The following MAST4 variants were observed in gnomAD, a reference collection of about 807,000 sequenced individuals.
MAST4 encodes the protein microtubule associated serine/threonine kinase family member 4.
A neutral mutation model predicts 162.7 loss-of-function variants in MAST4; 89 were observed. The observed-to-expected ratio is 0.55, with a 90% CI of 0.46 to 0.65. The LOEUF is 0.65. MAST4 is among the 30% of genes least tolerant of loss of function. MAST4 has a pLI of 0.00. For synonymous variants in MAST4, 1,479 were observed against 1,361.1 expected (o/e 1.09, Z -1.91); for missense variants, 3,153 against 3,374.0 (o/e 0.93, Z 1.62).
At position 66,897,926 on chromosome 5, in the gene MAST4, T is replaced by C. The variant is rs572942336; in HGVS notation, c.643-2025T>C. On this transcript the variant is annotated intron_variant, in intron 3 of 28. Transcript: ENST00000403625. Reference sequence around the variant, plus strand: ...GCTCAGGTTATTTGGTGGAATATGATTGATGGAACTATTTGGGTCATTCGT... The same window carrying C: ...GCTCAGGTTATTTGGTGGAATATGACTGATGGAACTATTTGGGTCATTCGT... Among the ~76,000 whole-genome samples the C allele has an allele frequency of 1.3e-4, 20 of 152,252 alleles. 1 individual carries two copies. Among genetic ancestry groups the C allele is most frequent in the Non-Finnish European group, 2.8e-4 (19 of 68,044 alleles).
rs181924698 is a variant in MAST4 at position 66,681,191 on chromosome 5, T to A, written c.364-78518T>A. 1.5e-4 allele frequency among the ~76,000 whole-genome samples: 23 copies of A among 152,366 alleles called. No individual in the cohort carries two copies. The East Asian group carries it at 4.2e-3, about 28-fold the overall frequency. On this transcript the variant is annotated intron_variant, in intron 1 of 28. Coordinates refer to ENST00000403625, the MANE Select transcript of MAST4 (RefSeq NM_001164664.2). Reference sequence around the variant, plus strand: ...TCAAAAGCACTTTTCACAGTGACAGTGTTTCAGAGCTAGAAGAGATCCTTA... The same window carrying A: ...TCAAAAGCACTTTTCACAGTGACAGAGTTTCAGAGCTAGAAGAGATCCTTA...
At chr5:67,134,770 A>T in intron 18 of MAST4, 82 bp downstream of exon 18, 1 of 1,159,580 alleles carries the variant, frequency 8.6e-7, no homozygotes, top group Non-Finnish European at 1.2e-6. Flanking sequence ...CACAGTTTTT[A>T]CTACTAAAAT....
intron 1 of MAST4, among the ~76,000 whole-genome samples, chr5:66,670,283 G>C (rs181717755): frequency 2.6e-5 from 4 of 151,978 alleles, no homozygotes; most frequent in Non-Finnish European, 2.9e-5. Flanking sequence ...ACTCTTCTCC[G>C]GTGGTACAAA....
rs772289937 is a variant in MAST4 at position 67,164,172 on chromosome 5, G to C, written c.4993G>C (p.Glu1665Gln). Residue 1665 changes from glutamate (E) to glutamine (Q), a missense_variant, in exon 29 of 29, where the codon GAG becomes CAG. Glu to Gln is a conservative substitution (Grantham distance 29, BLOSUM62 2). This residue lies in a region of MAST4 where 1,644 missense variants were observed against 1,495.0 expected (regional missense o/e 1.10). Coordinates refer to ENST00000403625, the MANE Select transcript of MAST4 (RefSeq NM_001164664.2). This position sits in a 1 kb window ranked among gnomAD's most constrained non-coding sequence, Gnocchi z 5.3. ...RGISGKGEGT[E>Q]KSSQAKELLR... is the part of the protein sequence containing the mutation. ...CATCTCTGGGAAGGGGGAAGGCACG[G>C]AGAAGTCCTCCCAGGCCAAGGAGCT... 4 of 1,611,010 alleles carry C rather than the reference G, an allele frequency of 2.5e-6. No individual in the cohort carries two copies. Among genetic ancestry groups the C allele is most frequent in the Non-Finnish European group, 3.4e-6 (4 of 1,178,634 alleles).
intron 1 of MAST4, among the ~76,000 whole-genome samples, chr5:66,643,242 A>G (rs577231983): frequency 6.6e-6 from 1 of 152,172 alleles, no homozygotes; most frequent in Non-Finnish European, 1.5e-5. Context: ...TTTTCTCAGA[A>G]GAAGGGACTA....
chr5:66,997,843 G>T (rs572140161), intron 4 of MAST4, among the ~76,000 whole-genome samples: 4 of 152,314 alleles, frequency 2.6e-5, no homozygotes, highest in African/African-American at 9.6e-5. Context: ...TGTTGGTATA[G>T]AAGTGATATA....
chr5:66,900,183 A>G (rs190835525), intron 4 of MAST4, among the ~76,000 whole-genome samples: 1 of 152,112 alleles, frequency 6.6e-6, no homozygotes, highest in Non-Finnish European at 1.5e-5. Flanking sequence ...GGCATTGCAA[A>G]CCTAAATGTA....
chr5:67,167,180 GGA>G lies in MAST4; in HGVS notation c.*136_*137del. The stretch of plus-strand genomic sequence containing the variant: ...GAGCTCGGAGCCTCATTGAGACAGG[GGA>G]GAGAGAAAGACAAAGAGGGGACCTT... On this transcript the variant is annotated 3_prime_UTR_variant, in exon 29 of 29. Coordinates refer to ENST00000403625, the MANE Select transcript of MAST4 (RefSeq NM_001164664.2). 2 of 719,716 alleles carry G rather than the reference GGA, an allele frequency of 2.8e-6. No homozygotes were observed. The highest frequency in any genetic ancestry group is 2.0e-6 in the Non-Finnish European group (1 of 497,612). 44.6% of individuals were successfully genotyped at this position (719,716 alleles called of 1,614,324 possible).
At chr5:67,005,273 A>T (rs1186103097) in intron 4 of MAST4, among the ~76,000 whole-genome samples, 1 of 152,184 alleles carries the variant, frequency 6.6e-6, no homozygotes, top group Non-Finnish European at 1.5e-5. Context: ...TTCCTGGGTA[A>T]CCCTGATAAA....
Position 67,164,928 on chromosome 5 carries a change from A to G in MAST4, c.5749A>G (p.Asn1917Asp). 1.2e-6 allele frequency: 2 copies of G among 1,613,960 alleles called. No individual in the cohort carries two copies. The highest frequency in any genetic ancestry group is 1.7e-6 in the Non-Finnish European group (2 of 1,179,868). ...ARSPGTVMES[N>D]PQQREGSSPK... ...GAGCCCTGGAACAGTCATGGAAAGC[A>G]ATCCCCAACAGAGAGAGGGCAGCTC... Residue 1917 changes from asparagine (N) to aspartate (D), a missense_variant, in exon 29 of 29, where the codon AAT becomes GAT. Around this residue, in one of 7 missense-constraint regions of MAST4, gnomAD observed 1,644 missense variants for 1,495.0 expected, o/e 1.10. Coordinates refer to ENST00000403625, the MANE Select transcript of MAST4 (RefSeq NM_001164664.2). This position sits in a 1 kb window ranked among gnomAD's most constrained non-coding sequence, Gnocchi z 5.3.
chr5:66,968,925 G>A (rs1454785986), intron 4 of MAST4, among the ~76,000 whole-genome samples: 2 of 144,312 alleles, frequency 1.4e-5, no homozygotes, highest in African/African-American at 4.9e-5. Flanking sequence ...GATTACACAC[G>A]GAAGAGGATA....
intron 1 of MAST4, among the ~76,000 whole-genome samples, chr5:66,711,757 C>T (rs567425317): frequency 6.6e-6 from 1 of 152,266 alleles, no homozygotes; most frequent in East Asian, 1.9e-4. Flanking sequence ...ATTGCTTGAA[C>T]CCAGGAGGCG....
At chr5:66,941,896 G>C (rs1743411453) in intron 4 of MAST4, among the ~76,000 whole-genome samples, 1 of 152,124 alleles carries the variant, frequency 6.6e-6, no homozygotes, top group Admixed American at 6.6e-5. Flanking sequence ...GAAGGAAAGA[G>C]ATGGGGGAAC....
At chr5:67,117,607 A>G (rs889855508) in intron 12 of MAST4, among the ~76,000 whole-genome samples, 2 of 151,954 alleles carry the variant, frequency 1.3e-5, no homozygotes, top group African/African-American at 2.4e-5. Context: ...ACTAAAAACT[A>G]TGACTTTTAT....
chr5:66,599,804 T>C (rs902654200), intron 1 of MAST4, among the ~76,000 whole-genome samples: 34 of 152,352 alleles, frequency 2.2e-4, no homozygotes, highest in South Asian at 4.1e-4. Flanking sequence ...AATGTTATAC[T>C]GTAGAAAGGC....
At chr5:67,155,911 T>C (rs1268520441) in intron 26 of MAST4, among the ~76,000 whole-genome samples, 2 of 151,810 alleles carry the variant, frequency 1.3e-5, no homozygotes, top group Non-Finnish European at 2.9e-5. Context: ...AGTACAAAAA[T>C]TAGCTGGGCG....
intron 1 of MAST4, among the ~76,000 whole-genome samples, chr5:66,649,912 G>A (rs1746105255): frequency 6.6e-6 from 1 of 151,952 alleles, no homozygotes; most frequent in Non-Finnish European, 1.5e-5. Context: ...TTTGGGGCAT[G>A]ACATTTTATC....
At chr5:66,965,692 A>T (rs1746648938) in intron 4 of MAST4, among the ~76,000 whole-genome samples, 1 of 151,958 alleles carries the variant, frequency 6.6e-6, no homozygotes, top group Non-Finnish European at 1.5e-5. Flanking sequence ...AGGACATAGG[A>T]TAGGTGAAAT....
At chr5:66,896,288 A>G (rs745430347) in intron 3 of MAST4, among the ~76,000 whole-genome samples, 1 of 152,220 alleles carries the variant, frequency 6.6e-6, no homozygotes, top group African/African-American at 2.4e-5. Flanking sequence ...TACCACAGGC[A>G]TGAAGTGTTC....
Sources: gnomAD v4.1 joint callset for allele counts (sites outside exome capture counted in the v4.1 genomes callset) on GRCh38, gnomAD v4.1.1 for gene constraint, gnomAD v4.1.1 regional missense constraint, Gnocchi (gnomAD v3.1) non-coding constraint, MANE v1.5 for transcripts, NCBI Gene and HGNC (gene_info 2026-07-23, HGNC 2026-07-21) for gene names.